The following GPHN variants were observed in gnomAD, a reference collection of about 807,000 sequenced individuals.
GPHN encodes gephyrin.
In GPHN, 17 loss-of-function variants were observed where a neutral mutation model predicts 95.5. That is an observed-to-expected ratio of 0.18 (90% CI 0.12 to 0.27). The LOEUF (loss-of-function observed/expected upper bound fraction) is 0.27, where lower values mean the gene tolerates loss of function less well. GPHN is among the 10% of genes least tolerant of loss of function. The pLI is 1.00. For synonymous variants in GPHN, 320 were observed against 322.5 expected, an observed-to-expected ratio of 0.99 and a Z score of 0.08; for missense variants, 660 against 978.1, an observed-to-expected ratio of 0.67 and a Z score of 4.34.
chr14:66,846,168 T>G (rs933031402), intron 4 of GPHN, among the ~76,000 whole-genome samples: 1 of 152,148 alleles, frequency 6.6e-6, no homozygotes, highest in African/African-American at 2.4e-5. Flanking sequence ...GGGGTGATTT[T>G]TATACACTCT....
chr14:67,196,357 C>T, the GPHN span, among the ~76,000 whole-genome samples: 2 of 152,080 alleles, frequency 1.3e-5, no homozygotes, highest in African/African-American at 2.4e-5. Flanking sequence ...GCTGGGATTA[C>T]AGGCACCTGT....
the GPHN span, among the ~76,000 whole-genome samples, chr14:67,300,336 C>CTTTTTTTTTTTTT: frequency 1.3e-4 from 18 of 139,090 alleles, 2 homozygotes; most frequent in African/African-American, 2.5e-4. Flanking sequence ...TATGAATTAC[C>CTTTTTTTTTTTTT]TTTTTTTTTT....
chr14:66,801,181 T>C (rs2060334839), intron 3 of GPHN, among the ~76,000 whole-genome samples: 1 of 152,204 alleles, frequency 6.6e-6, no homozygotes, highest in African/African-American at 2.4e-5. Context: ...TCTCTGTTTT[T>C]CCAGGTTTGG....
intron 17 of GPHN, among the ~76,000 whole-genome samples, chr14:67,131,216 T>C (rs2079685348): frequency 6.6e-6 from 1 of 152,114 alleles, no homozygotes; most frequent in South Asian, 2.1e-4. Context: ...TTTTTTTTCT[T>C]TTTTCTCAGT....
intron 1 of GPHN, among the ~76,000 whole-genome samples, chr14:66,555,488 G>A (rs1325210915): frequency 6.6e-6 from 1 of 151,760 alleles, no homozygotes; most frequent in Non-Finnish European, 1.5e-5. Flanking sequence ...TGTGTCCTAT[G>A]ATTGCCCCCC....
chr14:67,161,731 C>T (rs2081992161), intron 19 of GPHN, among the ~76,000 whole-genome samples: 1 of 151,850 alleles, frequency 6.6e-6, no homozygotes, highest in African/African-American at 2.4e-5. Flanking sequence ...CCAGCCTGGG[C>T]AGCAGAGTAA....
the GPHN span, among the ~76,000 whole-genome samples, chr14:67,687,467 C>CTT: frequency 2.5e-5 from 2 of 79,700 alleles, no homozygotes; most frequent in Admixed American, 1.4e-4. Context: ...CTCCATATTC[C>CTT]TTTTTTTTTT....
At chr14:66,764,376 T>C (rs898067925) in intron 2 of GPHN, among the ~76,000 whole-genome samples, 2 of 152,086 alleles carry the variant, frequency 1.3e-5, no homozygotes, top group African/African-American at 4.8e-5. Flanking sequence ...CAGGGAGGAC[T>C]GTACCAAGTA....
At chr14:66,660,122 A>G (rs935088359) in intron 1 of GPHN, among the ~76,000 whole-genome samples, 8 of 151,590 alleles carry the variant, frequency 5.3e-5, no homozygotes, top group Non-Finnish European at 7.4e-5. Flanking sequence ...GTGTGTATAA[A>G]ATTTTATCAA....
At chr14:66,528,848 G>A (rs888439544) in intron 1 of GPHN, among the ~76,000 whole-genome samples, 1 of 152,092 alleles carries the variant, frequency 6.6e-6, no homozygotes, top group Non-Finnish European at 1.5e-5. Context: ...TAGTCTGATG[G>A]CCTTCCTTTG....
At chr14:67,425,178 G>A in the GPHN span, among the ~76,000 whole-genome samples, 68 of 152,074 alleles carry the variant, frequency 4.5e-4, no homozygotes, top group Non-Finnish European at 2.9e-5. Flanking sequence ...TCAAACTCTG[G>A]GCTCAAGTGA....
At chr14:67,735,051 C>T in the GPHN span, 4 of 677,648 alleles carry the variant, frequency 5.9e-6, no homozygotes, top group East Asian at 8.0e-5. Context: ...ATTAGATGCA[C>T]TTACAACCAA....
chr14:67,476,193 C>T, the GPHN span, among the ~76,000 whole-genome samples: 1 of 152,264 alleles, frequency 6.6e-6, no homozygotes, highest in African/African-American at 2.4e-5. Context: ...CCTCACATTT[C>T]AGCTGAAGCA....
intron 3 of GPHN, among the ~76,000 whole-genome samples, chr14:66,782,909 C>T (rs1289981901): frequency 6.6e-6 from 1 of 152,050 alleles, no homozygotes; most frequent in Non-Finnish European, 1.5e-5. Flanking sequence ...AGGCAGACTA[C>T]CTGGCTACCT....
chr14:67,646,952 T>C, the GPHN span: 3 of 1,611,080 alleles, frequency 1.9e-6, no homozygotes, highest in Non-Finnish European at 2.5e-6. Flanking sequence ...TATCCAGTAT[T>C]TTTCCATGAG....
At chr14:67,619,406 A>G in the GPHN span, among the ~76,000 whole-genome samples, 23 of 152,342 alleles carry the variant, frequency 1.5e-4, no homozygotes, top group East Asian at 4.2e-3. Context: ...CATCTATATT[A>G]TATCTCCGAA....
intron 2 of GPHN, among the ~76,000 whole-genome samples, chr14:66,753,019 C>T (rs2058428365): frequency 6.6e-6 from 1 of 151,316 alleles, no homozygotes; most frequent in Non-Finnish European, 1.5e-5. Context: ...GATACACCCA[C>T]AGAAAATATA....
intron 2 of GPHN, among the ~76,000 whole-genome samples, chr14:66,719,052 A>G (rs1453872076): frequency 2.0e-5 from 3 of 152,182 alleles, no homozygotes; most frequent in African/African-American, 7.2e-5. Flanking sequence ...CTCTCCCACC[A>G]TGCCCCTGCT....
At chr14:66,885,814 T>C (rs2153537328) in intron 5 of GPHN, among the ~76,000 whole-genome samples, 1 of 148,350 alleles carries the variant, frequency 6.7e-6, no homozygotes, top group East Asian at 2.0e-4. Flanking sequence ...GCTTATTTCT[T>C]ACACAGAACA....
Sources: allele counts gnomAD v4.1 joint callset (sites outside exome capture counted in the v4.1 genomes callset), GRCh38; gene constraint gnomAD v4.1.1; transcripts MANE v1.5; gene names NCBI Gene and HGNC (gene_info 2026-07-23, HGNC 2026-07-21).